The following PARL variants were observed in gnomAD, a reference collection of about 807,000 sequenced individuals.
PARL encodes presenilin-associated rhomboid-like protein, mitochondrial.
Under a neutral mutation model 51.6 loss-of-function variants are expected in PARL, and 44 were observed. The observed-to-expected ratio is 0.85, with a 90% CI of 0.67 to 1.10. The LOEUF is 1.10. PARL is among the 50% of genes least tolerant of loss of function. PARL has a pLI of 0.00. For missense variants in PARL, 441 were observed against 469.5 expected (o/e 0.94, Z 0.56); for synonymous variants, 172 against 164.0 (o/e 1.05, Z -0.37).
At chr3:183,867,180 G>A (rs780233879) in intron 2 of PARL, among the ~76,000 whole-genome samples, 14 of 151,962 alleles carry the variant, frequency 9.2e-5, no homozygotes, top group Non-Finnish European at 1.8e-4. Flanking sequence ...TCCAGTGCTG[G>A]GATTACAGGC....
downstream of PARL, among the ~76,000 whole-genome samples, chr3:183,827,697 A>G (rs1577258403): frequency 6.6e-6 from 1 of 152,142 alleles, no homozygotes; most frequent in South Asian, 2.1e-4. Flanking sequence ...GACTTCACCG[A>G]TTGCTCGTGT....
chr3:183,855,434 A>C (rs1192278562), intron 4 of PARL, among the ~76,000 whole-genome samples: 1 of 152,020 alleles, frequency 6.6e-6, no homozygotes. Context: ...GGGCCACCAC[A>C]CTCAGCCAAC....
In PARL at chr3:183,882,247, A is replaced by T. The variant is rs1220100115; in HGVS notation, c.125+2475T>A. ...AATATATATATATATATATATATTTATATATATATATATATATATATTTAT... is the reference window on the plus strand; with the variant it reads ...AATATATATATATATATATATATTTTTATATATATATATATATATATTTAT... On this transcript the variant is annotated intron_variant, in intron 1 of 9. Transcript: ENST00000317096. 3.3e-3 allele frequency among the ~76,000 whole-genome samples: 77 copies of T among 23,318 alleles called. 2 individuals are homozygous for T. Among genetic ancestry groups the T allele is most frequent in the South Asian group, 7.4e-3 (5 of 674 alleles). 15.3% of individuals were successfully genotyped at this position (23,318 alleles called of 152,430 possible).
chr3:183,842,309 T>TA lies in PARL; in HGVS notation c.745dup (p.Tyr249LeufsTer16). 2 of 1,612,428 alleles carry TA rather than the reference T, an allele frequency of 1.2e-6. No homozygotes were observed. Among genetic ancestry groups the TA allele is most frequent in the Non-Finnish European group, 1.7e-6 (2 of 1,179,778 alleles). On this transcript the variant is annotated frameshift_variant, in exon 6 of 10. Transcript: ENST00000317096. LOFTEE classifies it high-confidence loss of function. Reference sequence around the variant, plus strand: ...TTAAAGCATATTACCTGCAGATAGGTACACTGCCATGAACTGCTCTTGACC... The same window carrying TA: ...TTAAAGCATATTACCTGCAGATAGGTAACACTGCCATGAACTGCTCTTGACC...
chr3:183,884,655 C>T, intron 1 of PARL, 67 bp downstream of exon 1: 1 of 1,513,958 alleles, frequency 6.6e-7, no homozygotes, highest in Non-Finnish European at 9.0e-7. Flanking sequence ...CGGCCTCCGC[C>T]CCCGAGGATA....
chr3:183,854,552 A>C (rs1350454464), intron 4 of PARL, among the ~76,000 whole-genome samples: 1 of 152,120 alleles, frequency 6.6e-6, no homozygotes, highest in Non-Finnish European at 1.5e-5. Flanking sequence ...TAGAAAAAGG[A>C]AGTAGAATGG....
intron 4 of PARL, among the ~76,000 whole-genome samples, chr3:183,847,603 T>C (rs951269746): frequency 9.9e-5 from 15 of 151,942 alleles, no homozygotes; most frequent in African/African-American, 3.6e-4. Context: ...AAAAAAGGGC[T>C]GAGTGACGAT....
chr3:183,858,683 G>A (rs574511947), intron 4 of PARL, among the ~76,000 whole-genome samples: 4 of 152,084 alleles, frequency 2.6e-5, no homozygotes, highest in Non-Finnish European at 5.9e-5. Context: ...TTCTCTCTGG[G>A]GGTTGCCTGG....
intron 1 of PARL, chr3:183,879,735 G>A: frequency 1.0e-6 from 1 of 979,112 alleles, no homozygotes; most frequent in Non-Finnish European, 1.2e-6. Flanking sequence ...TTGGTGGGCG[G>A]GGGGAGGTCC....
At chr3:183,853,087 T>C (rs1212844538) in intron 4 of PARL, among the ~76,000 whole-genome samples, 1 of 152,166 alleles carries the variant, frequency 6.6e-6, no homozygotes, top group African/African-American at 2.4e-5. Flanking sequence ...TTCTTGGCTA[T>C]GACACCAAAG....
chr3:183,884,861 C>A lies in PARL; in HGVS notation c.-15G>T, dbSNP rs200106929. On this transcript the variant is annotated 5_prime_UTR_variant, in exon 1 of 10. Transcript: ENST00000317096. Reference sequence around the variant, plus strand: ...CGCCACGCCATCTTCCCAACCTCTGCCCCACCATGGCCCGACCTTACCAAC... The same window carrying A: ...CGCCACGCCATCTTCCCAACCTCTGACCCACCATGGCCCGACCTTACCAAC... 6.3e-7 allele frequency: 1 copy of A among 1,596,860 alleles called. No individual in the cohort carries two copies. The highest frequency in any genetic ancestry group is 1.3e-5 in the African/African-American group (1 of 74,952).
intron 1 of PARL, among the ~76,000 whole-genome samples, chr3:183,871,957 G>A (rs1186746210): frequency 1.3e-5 from 2 of 151,380 alleles, no homozygotes; most frequent in African/African-American, 2.4e-5. Context: ...ATGAAACTCA[G>A]AATAATAGCA....
intron 5 of PARL, chr3:183,843,175 T>C (rs1252642662): frequency 2.0e-6 from 2 of 982,008 alleles, no homozygotes; most frequent in African/African-American, 3.5e-5. Flanking sequence ...TGAGTCACTA[T>C]GCCCAGCTTA....
Position 183,842,415 on chromosome 3 carries a change from A to C in PARL, c.640T>G (p.Phe214Val). 1 of 1,613,250 alleles carries C rather than the reference A, an allele frequency of 6.2e-7. No individual in the cohort carries two copies. The highest frequency in any genetic ancestry group is 8.5e-7 in the Non-Finnish European group (1 of 1,179,212). ...ATGTGAAATAAGGAGAAATGACTGA[A>C]TGTTGACAGCAACATTGGAGAACAA... ...VLCSPMLLSTFSHFSLFHMAA... is the reference protein window; with the variant it reads ...VLCSPMLLSTVSHFSLFHMAA... The change falls in exon 6 of 10, where the codon TTC (phenylalanine) becomes GTC (valine). Residue 214 changes from phenylalanine (F) to valine (V), a missense_variant. Coordinates refer to ENST00000317096, the MANE Select transcript of PARL (RefSeq NM_018622.7).
chr3:183,829,854 G>A, intron 9 of PARL, 145 bp from the exon 10 acceptor site: 1 of 743,510 alleles, frequency 1.3e-6, no homozygotes, highest in Non-Finnish European at 2.4e-6. Flanking sequence ...ATCGAGAAAT[G>A]GTTTAGCTTT....
At chr3:183,878,899 A>T (rs1189995279) in intron 1 of PARL, among the ~76,000 whole-genome samples, 1 of 152,206 alleles carries the variant, frequency 6.6e-6, no homozygotes, top group Non-Finnish European at 1.5e-5. Context: ...GACAAAGACC[A>T]CATGCGGCCA....
intron 1 of PARL, among the ~76,000 whole-genome samples, chr3:183,882,249 A>ATATATATATATATATATATATATT (rs1734587795): frequency 2.3e-5 from 1 of 43,906 alleles, no homozygotes; most frequent in Non-Finnish European, 4.8e-5. Context: ...ATATATTTAT[A>ATATATATATATATATATATATATT]TATATATATA....
At chr3:183,850,787 C>G (rs1730459027) in intron 4 of PARL, among the ~76,000 whole-genome samples, 1 of 152,150 alleles carries the variant, frequency 6.6e-6, no homozygotes, top group East Asian at 1.9e-4. Flanking sequence ...GATTATAAAT[C>G]ATGACCAAGT....
intron 1 of PARL, among the ~76,000 whole-genome samples, chr3:183,878,993 T>C (rs1734146034): frequency 1.3e-5 from 2 of 152,242 alleles, no homozygotes; most frequent in Non-Finnish European, 2.9e-5. Flanking sequence ...ATGAACCACT[T>C]GGAATAGCAA....
Sources: allele counts gnomAD v4.1 joint callset (sites outside exome capture counted in the v4.1 genomes callset), GRCh38; gene constraint gnomAD v4.1.1; transcripts MANE v1.5; gene names NCBI Gene and HGNC (gene_info 2026-07-23, HGNC 2026-07-21).